ARB2A: variants seen among roughly 807,000 people sequenced by gnomAD.
ARB2A encodes the protein ARB2 cotranscriptional regulator A.
chr5:93,729,387 T>C, the ARB2A span, among the ~76,000 whole-genome samples: 1 of 152,054 alleles, frequency 6.6e-6, no homozygotes. Context: ...TCACTGAGGA[T>C]GAAGTATAGA....
At chr5:93,999,732 A>G in the ARB2A span, among the ~76,000 whole-genome samples, 2 of 151,972 alleles carry the variant, frequency 1.3e-5, no homozygotes, top group African/African-American at 4.8e-5. Flanking sequence ...TGTACTTTCT[A>G]TGAGTTTGGA....
chr5:93,919,583 C>T, the ARB2A span, among the ~76,000 whole-genome samples: 1 of 152,016 alleles, frequency 6.6e-6, no homozygotes, highest in Non-Finnish European at 1.5e-5. Flanking sequence ...CATTTATAGC[C>T]CAAATGGTCG....
the ARB2A span, among the ~76,000 whole-genome samples, chr5:93,951,704 CA>C: frequency 6.6e-6 from 1 of 152,092 alleles, no homozygotes; most frequent in African/African-American, 2.4e-5. Flanking sequence ...ATGCCATCAC[CA>C]TGCTATTTTG....
the ARB2A span, among the ~76,000 whole-genome samples, chr5:93,899,999 A>G: frequency 6.6e-6 from 1 of 152,176 alleles, no homozygotes; most frequent in South Asian, 2.1e-4. Context: ...CAAAGGCATA[A>G]TGTGATTACT....
chr5:93,810,611 C>T, the ARB2A span, among the ~76,000 whole-genome samples: 88 of 152,046 alleles, frequency 5.8e-4, no homozygotes, highest in African/African-American at 1.6e-3. Context: ...ACTATGTTTT[C>T]GGGGCTGGCT....
the ARB2A span, among the ~76,000 whole-genome samples, chr5:93,876,216 T>G: frequency 6.6e-6 from 1 of 152,182 alleles, no homozygotes; most frequent in Non-Finnish European, 1.5e-5. Flanking sequence ...GAAACTAAAT[T>G]TATAGGATTA....
At chr5:93,794,707 G>A in the ARB2A span, among the ~76,000 whole-genome samples, 2 of 152,178 alleles carry the variant, frequency 1.3e-5, no homozygotes, top group African/African-American at 4.8e-5. Flanking sequence ...ACACCCAGCA[G>A]AGCTACTGGG....
chr5:93,925,522 G>A, the ARB2A span, among the ~76,000 whole-genome samples: 1 of 152,280 alleles, frequency 6.6e-6, no homozygotes, highest in East Asian at 1.9e-4. Context: ...GGGTATGTGG[G>A]ACAAAGGGAT....
the ARB2A span, among the ~76,000 whole-genome samples, chr5:93,854,745 A>G: frequency 1.3e-5 from 2 of 152,166 alleles, no homozygotes; most frequent in Admixed American, 1.3e-4. Flanking sequence ...CAGGTTGTTC[A>G]GTTTCCATGT....
the ARB2A span, among the ~76,000 whole-genome samples, chr5:93,858,785 T>C: frequency 4.1e-4 from 62 of 152,232 alleles, no homozygotes; most frequent in African/African-American, 1.3e-3. Flanking sequence ...AGAATTCTTC[T>C]AGAAAAAGAA....
At chr5:93,762,345 G>A in the ARB2A span, among the ~76,000 whole-genome samples, 1 of 152,158 alleles carries the variant, frequency 6.6e-6, no homozygotes, top group African/African-American at 2.4e-5. Context: ...CCAATGCAGA[G>A]AAGTCCTTAA....
chr5:94,106,700 A>C, the ARB2A span, among the ~76,000 whole-genome samples: 21 of 152,220 alleles, frequency 1.4e-4, no homozygotes, highest in African/African-American at 3.9e-4. Flanking sequence ...AGCACTATTC[A>C]AAAAAGCAAA....
At chr5:93,855,475 T>C in the ARB2A span, among the ~76,000 whole-genome samples, 2 of 152,288 alleles carry the variant, frequency 1.3e-5, no homozygotes, top group Admixed American at 6.5e-5. Flanking sequence ...GTTAATATTG[T>C]TATGTGTGAA....
At chr5:93,866,639 T>A in the ARB2A span, among the ~76,000 whole-genome samples, 1 of 152,156 alleles carries the variant, frequency 6.6e-6, no homozygotes, top group African/African-American at 2.4e-5. Context: ...AGGTTTTGCA[T>A]ATACAGACGG....
At chr5:93,919,093 C>T in the ARB2A span, among the ~76,000 whole-genome samples, 1 of 152,094 alleles carries the variant, frequency 6.6e-6, no homozygotes, top group African/African-American at 2.4e-5. Context: ...CAGGTAATTC[C>T]AGTGTCAGCA....
the ARB2A span, among the ~76,000 whole-genome samples, chr5:93,624,982 AG>A: frequency 6.6e-6 from 1 of 152,178 alleles, no homozygotes; most frequent in Non-Finnish European, 1.5e-5. Context: ...TATGTTTTTC[AG>A]AGTCTTACCA....
the ARB2A span, among the ~76,000 whole-genome samples, chr5:93,846,287 T>G: frequency 1.3e-5 from 2 of 151,782 alleles, no homozygotes; most frequent in Non-Finnish European, 2.9e-5. Context: ...GAGGATCACC[T>G]GAGCCCAGGA....
chr5:93,666,922 G>A, the ARB2A span, among the ~76,000 whole-genome samples: 24 of 152,140 alleles, frequency 1.6e-4, no homozygotes, highest in African/African-American at 5.5e-4. Flanking sequence ...TTCATGAGTT[G>A]TAAATATAAG....
At chr5:93,870,544 A>G in the ARB2A span, among the ~76,000 whole-genome samples, 1 of 152,248 alleles carries the variant, frequency 6.6e-6, no homozygotes, top group Non-Finnish European at 1.5e-5. Flanking sequence ...GATTCCTGAG[A>G]TTCTTTCAGG....
Sources: gnomAD v4.1 joint callset for allele counts (sites outside exome capture counted in the v4.1 genomes callset) on GRCh38, gnomAD v4.1.1 for gene constraint, MANE v1.5 for transcripts, NCBI Gene and HGNC (gene_info 2026-07-23, HGNC 2026-07-21) for gene names.